PDE1B: variants seen among roughly 807,000 people sequenced by gnomAD.
The protein encoded by PDE1B is dual specificity calcium/calmodulin-dependent 3',5'-cyclic nucleotide phosphodiesterase 1B.
A neutral mutation model predicts 66.7 loss-of-function variants in PDE1B; 13 were observed. The ratio of observed to expected loss-of-function variants is 0.19; its 90% CI spans 0.13 to 0.31. The LOEUF (loss-of-function observed/expected upper bound fraction) is 0.31, where lower values mean the gene tolerates loss of function less well. Among genes scored for constraint, PDE1B ranks in the 10% least tolerant of loss-of-function variants. The probability of loss-of-function intolerance (pLI) is 1.00; values close to 1 mark genes in which losing one functional copy is unlikely to be tolerated. For missense variants in PDE1B, 485 were observed against 682.3 expected, an observed-to-expected ratio of 0.71 and a Z score of 3.22; for synonymous variants, 230 against 253.9, an observed-to-expected ratio of 0.91 and a Z score of 0.90.
Position 54,549,843 on chromosome 12 carries a change from C to T in PDE1B, c.-13-17C>T, listed in dbSNP as rs1957248622. 6.4e-7 allele frequency: 1 copy of T among 1,558,922 alleles called. No homozygotes were observed. Among genetic ancestry groups the T allele is most frequent in the Non-Finnish European group, 8.8e-7 (1 of 1,131,374 alleles). On this transcript the variant is annotated splice_polypyrimidine_tract_variant and intron_variant, in intron 1 of 15. Coordinates refer to ENST00000243052, the MANE Select transcript of PDE1B (RefSeq NM_000924.4). ...TGAAGCTGAGCCGAGGTGCTGTCTC[C>T]TCCTTCTGTTCCGTAGACCGTGGCT...
chr12:54,557,936 C>T (rs1957362428), intron 2 of PDE1B, among the ~76,000 whole-genome samples: 1 of 151,982 alleles, frequency 6.6e-6, no homozygotes, highest in African/African-American at 2.4e-5. Flanking sequence ...CTCCCAATTC[C>T]TCTCTCTCTC....
intron 2 of PDE1B, among the ~76,000 whole-genome samples, chr12:54,555,012 TTGA>T (rs1957326181): frequency 6.6e-6 from 1 of 152,182 alleles, no homozygotes; most frequent in Admixed American, 6.5e-5. Context: ...AGGAGTCTTG[TTGA>T]TGGTTATCTG....
chr12:54,568,541 T>C (rs1008800780), intron 3 of PDE1B, among the ~76,000 whole-genome samples: 2 of 149,840 alleles, frequency 1.3e-5, no homozygotes, highest in Admixed American at 1.3e-4. Flanking sequence ...ATTTTGGAGG[T>C]ATTAGGTAAA....
chr12:54,572,698 T>C lies in PDE1B; in HGVS notation c.692T>C (p.Val231Ala). ...PYHNQIHAAD[V>A]TQTVHCFLLR... ...CACAACCAGATCCACGCAGCCGATG[T>C]TACCCAGACAGTCCATTGCTTCTTG... Residue 231 changes from valine to alanine, a missense_variant, in exon 7 of 16, where the codon GTT (valine) becomes GCT (alanine). This residue lies in a region of PDE1B where 282 missense variants were observed against 453.4 expected (regional missense o/e 0.62). Coordinates refer to ENST00000243052, the MANE Select transcript of PDE1B (RefSeq NM_000924.4). The C allele has an allele frequency of 6.2e-7, 1 of 1,614,210 alleles. No individual in the cohort carries two copies. Among genetic ancestry groups the C allele is most frequent in the South Asian group, 1.1e-5 (1 of 91,078 alleles).
chr12:54,555,022 T>A (rs754785548), intron 2 of PDE1B, among the ~76,000 whole-genome samples: 1 of 152,148 alleles, frequency 6.6e-6, no homozygotes, highest in Non-Finnish European at 1.5e-5. Context: ...TTGATGGTTA[T>A]CTGGAAGGAG....
chr12:54,558,199 G>T (rs79171000), intron 2 of PDE1B, among the ~76,000 whole-genome samples: 1,693 of 152,216 alleles, frequency 0.011, 23 homozygotes, highest in Middle Eastern at 0.034. Context: ...CTCGAATGCA[G>T]CACCTTTCAA....
At chr12:54,568,233 G>T (rs1220063144) in intron 3 of PDE1B, among the ~76,000 whole-genome samples, 1 of 152,112 alleles carries the variant, frequency 6.6e-6, no homozygotes, top group African/African-American at 2.4e-5. Flanking sequence ...GGAAGTTGAG[G>T]CAGCCTGATT....
chr12:54,570,243 C>T lies in PDE1B; in HGVS notation c.480C>T (p.Asn160=), dbSNP rs751625484. Residue 160 remains asparagine, a splice_region_variant and synonymous_variant, in exon 6 of 16, where the codon AAC becomes AAT. Transcript: ENST00000243052. ...YSTAVLNCLK[N]LDLWCFDVFS... is the part of the protein sequence containing the mutation. ...CATAATCTATTGTTTCTCCATAGAA[C>T]CTGGATCTCTGGTGCTTTGATGTCT... 3.4e-5 allele frequency: 55 copies of T among 1,595,872 alleles called. No individual in the cohort carries two copies. The South Asian group carries it at 6.0e-4, about 17-fold the overall frequency.
chr12:54,555,432 C>T (rs1957331160), intron 2 of PDE1B, among the ~76,000 whole-genome samples: 1 of 152,164 alleles, frequency 6.6e-6, no homozygotes, highest in Admixed American at 6.5e-5. Flanking sequence ...TTTGAGGTTG[C>T]ATTTGCCACC....
chr12:54,562,171 G>A (rs1406027195), intron 2 of PDE1B, among the ~76,000 whole-genome samples: 3 of 152,166 alleles, frequency 2.0e-5, no homozygotes, highest in Admixed American at 2.0e-4. Flanking sequence ...GAATGTGGGT[G>A]CTGGAAGCGG....
chr12:54,556,800 C>G (rs1957347076), intron 2 of PDE1B, among the ~76,000 whole-genome samples: 1 of 144,988 alleles, frequency 6.9e-6, no homozygotes, highest in South Asian at 2.1e-4. Context: ...ATGGTGGCTA[C>G]AGTGGGGTGA....
rs749579849 is a variant in PDE1B, at chr12:54,573,423, G to A, written c.905G>A (p.Arg302Gln). 9.3e-6 allele frequency: 15 copies of A among 1,613,868 alleles called. No homozygotes were observed. The African/African-American group carries it at 1.7e-4, about 19-fold the overall frequency. ...AATCACCACATCAGCTCTGTTTTCC[G>A]ATTGATGCAGGATGATGAGATGAAC... is the stretch of plus-strand genomic sequence containing the variant. ...LENHHISSVF[R>Q]LMQDDEMNIF... The change falls in exon 9 of 16, where the codon CGA becomes CAA. Residue 302 changes from arginine to glutamine, a missense_variant. This residue lies in a region of PDE1B where 282 missense variants were observed against 453.4 expected (regional missense o/e 0.62). Coordinates refer to ENST00000243052, the MANE Select transcript of PDE1B (RefSeq NM_000924.4). The surrounding 1 kb of genome is among the most constrained non-coding windows in gnomAD (Gnocchi z 5.2).
Position 54,549,951 on chromosome 12 carries a change from C to A in PDE1B, c.79C>A (p.Pro27Thr). 6.2e-7 allele frequency: 1 copy of A among 1,614,116 alleles called. No individual in the cohort carries two copies. Among genetic ancestry groups the A allele is most frequent in the Non-Finnish European group, 8.5e-7 (1 of 1,179,992 alleles). ...CPSPLELKSAPSKKMWIKLRS... is the reference protein window; with the variant it reads ...CPSPLELKSATSKKMWIKLRS... ...GTCACCCCTGGAGCTGAAGTCAGCC[C>A]CCAGCAAGAAGATGTGGATTAAGCT... is the stretch of plus-strand genomic sequence containing the variant. Residue 27 changes from proline (P) to threonine (T), a missense_variant, in exon 2 of 16, where the codon CCC (proline) becomes ACC (threonine). Physicochemically the swap from Pro to Thr is conservative, Grantham distance 38. Coordinates refer to ENST00000243052, the MANE Select transcript of PDE1B (RefSeq NM_000924.4).
chr12:54,574,375 A>G (rs1957689489), intron 10 of PDE1B: 3 of 152,974 alleles, frequency 2.0e-5, no homozygotes, highest in South Asian at 2.1e-4. Flanking sequence ...TCTACTGAGC[A>G]CTTATTATGT....
At position 54,575,523 on chromosome 12, in the gene PDE1B, AGCTTTCCTACCCT is replaced by A. The variant is rs1273293779; in HGVS notation, c.1186-26_1186-14del. 6.5e-7 allele frequency: 1 copy of A among 1,545,068 alleles called. No homozygotes were observed. ...CTGGTAGGTCTGAGGTATCCTCTCCAGCTTTCCTACCCTGTTCCCTCCTCTAGGGTGACAAGGA... is the reference window on the plus strand; with the variant it reads ...CTGGTAGGTCTGAGGTATCCTCTCCAGTTCCCTCCTCTAGGGTGACAAGGA... On this transcript the variant is annotated splice_polypyrimidine_tract_variant and intron_variant, in intron 11 of 15. Coordinates refer to ENST00000243052, the MANE Select transcript of PDE1B (RefSeq NM_000924.4). The surrounding 1 kb of genome is among the most constrained non-coding windows in gnomAD (Gnocchi z 4.0).
intron 2 of PDE1B, among the ~76,000 whole-genome samples, chr12:54,561,848 T>TC (rs149849996): frequency 0.048 from 7,307 of 151,096 alleles, 361 homozygotes; most frequent in African/African-American, 0.12. Flanking sequence ...CCCATTTCCA[T>TC]CCCCCCCCAC....
In PDE1B at chr12:54,573,117, CCT is replaced by C. The variant is rs1324007883; in HGVS notation, c.736-25_736-24del. 2.0e-6 allele frequency: 3 copies of C among 1,523,068 alleles called. No homozygotes were observed. The highest frequency in any genetic ancestry group is 2.2e-5 in the South Asian group (2 of 89,234). The allele number at this position is 1,523,068 out of a possible 1,614,324, so 94.3% of individuals were successfully genotyped here. A position where few individuals can be genotyped will look rare whatever the true frequency, so the allele number is the denominator to read the frequency against. Reference sequence around the variant, plus strand: ...TGGGAAGTGACCAGCAGGCGTCACCCCTCTCTCATTCTTTCTCTTTCCTCCTG... The same window carrying C: ...TGGGAAGTGACCAGCAGGCGTCACCCCTCTCATTCTTTCTCTTTCCTCCTG... On this transcript the variant is annotated intron_variant, in intron 7 of 15. Transcript: ENST00000243052. This position sits in a 1 kb window ranked among gnomAD's most constrained non-coding sequence, Gnocchi z 5.2.
chr12:54,558,743 C>T (rs1457140992), intron 2 of PDE1B, among the ~76,000 whole-genome samples: 2 of 152,214 alleles, frequency 1.3e-5, no homozygotes, highest in South Asian at 2.1e-4. Flanking sequence ...TATCCAGGTG[C>T]CATCTGAGGC....
chr12:54,573,022 A>G lies in PDE1B; in HGVS notation c.736-126A>G. On this transcript the variant is annotated intron_variant, in intron 7 of 15. Coordinates refer to ENST00000243052, the MANE Select transcript of PDE1B (RefSeq NM_000924.4). This position sits in a 1 kb window ranked among gnomAD's most constrained non-coding sequence, Gnocchi z 5.2. ...TTCAGGAGCTGAGAAACCTGGCTGC[A>G]TTAACCAAGAGCTGGCCTGGAAGCA... 5 of 768,188 alleles carry G rather than the reference A, an allele frequency of 6.5e-6. No individual in the cohort carries two copies. The highest frequency in any genetic ancestry group is 1.7e-5 in the South Asian group (1 of 60,478). 47.6% of individuals were successfully genotyped at this position (768,188 alleles called of 1,614,324 possible). A position where few individuals can be genotyped will look rare whatever the true frequency, so the allele number is the denominator to read the frequency against.
Sources: allele counts gnomAD v4.1 joint callset (sites outside exome capture counted in the v4.1 genomes callset), GRCh38; gene constraint gnomAD v4.1.1; regional missense constraint gnomAD v4.1.1; non-coding constraint Gnocchi (gnomAD v3.1); transcripts MANE v1.5; gene names NCBI Gene and HGNC (gene_info 2026-07-23, HGNC 2026-07-21).